Variants in C18orf54 observed in about 807,000 individuals in gnomAD.
C18orf54 encodes the protein chromosome 18 open reading frame 54, also known as lung adenoma susceptibility protein 2.
Under a neutral mutation model 49.3 loss-of-function variants are expected in C18orf54, and 49 were observed. The ratio of observed to expected loss-of-function variants is 0.99; its 90% confidence interval spans 0.79 to 1.26. The LOEUF is 1.26. C18orf54 is among the 50% of genes most tolerant of loss of function. C18orf54 has a pLI of 0.00. For missense variants in C18orf54, 687 were observed against 620.6 expected (o/e 1.11, Z -1.14); for synonymous variants, 211 against 216.6 (o/e 0.97, Z 0.23).
At chr18:54,361,526 C>A in intron 3 of C18orf54, 117 bp from the exon 4 acceptor site, 1 of 853,380 alleles carries the variant, frequency 1.2e-6, no homozygotes, top group Non-Finnish European at 1.8e-6. Flanking sequence ...TTAATCAAAG[C>A]TTTAGTGAGG....
chr18:54,380,755 A>G lies in C18orf54; in HGVS notation c.*2509A>G, dbSNP rs2089655221. Reference sequence around the variant, plus strand: ...ACATTATATGTAGTTATACCAAAATATTGCCTGAAGATAAATCATGACAAG... The same window carrying G: ...ACATTATATGTAGTTATACCAAAATGTTGCCTGAAGATAAATCATGACAAG... On this transcript the variant is annotated 3_prime_UTR_variant, in exon 9 of 9. Coordinates refer to ENST00000620105, the MANE Select transcript of C18orf54 (RefSeq NM_001288980.2). The G allele has an allele frequency of 6.6e-6, 1 of 152,146 alleles. No individual in the cohort carries two copies. Among genetic ancestry groups the G allele is most frequent in the Non-Finnish European group, 1.5e-5 (1 of 67,976 alleles). The allele number at this position is 152,146 out of a possible 1,614,324, so 9.4% of individuals were successfully genotyped here. A position where few individuals can be genotyped will look rare whatever the true frequency, so the allele number is the denominator to read the frequency against.
chr18:54,362,643 A>G, intron 4 of C18orf54, 128 bp from the exon 5 acceptor site: 1 of 939,346 alleles, frequency 1.1e-6, no homozygotes, highest in East Asian at 2.8e-5. Context: ...GTCACATTTT[A>G]ACATAATTTG....
At chr18:54,377,372 A>T (rs1352966960) in intron 8 of C18orf54, among the ~76,000 whole-genome samples, 1 of 152,140 alleles carries the variant, frequency 6.6e-6, no homozygotes, top group Non-Finnish European at 1.5e-5. Context: ...CATCTTAATT[A>T]CTATATTGTC....
At chr18:54,369,656 G>T (rs1414636491) in intron 6 of C18orf54, among the ~76,000 whole-genome samples, 1 of 151,390 alleles carries the variant, frequency 6.6e-6, no homozygotes, top group Non-Finnish European at 1.5e-5. Flanking sequence ...TTTAGTAGAG[G>T]CAGGGTTTCA....
At chr18:54,367,531 T>C (rs1312662169) in intron 6 of C18orf54, among the ~76,000 whole-genome samples, 1 of 43,918 alleles carries the variant, frequency 2.3e-5, no homozygotes, top group Non-Finnish European at 3.8e-5. Flanking sequence ...TTTCAGCCCT[T>C]TGAATGTATC....
At chr18:54,365,864 G>A in intron 6 of C18orf54, 43 bp downstream of exon 6, 1 of 1,221,600 alleles carries the variant, frequency 8.2e-7, no homozygotes, top group Non-Finnish European at 1.2e-6. Context: ...AAAGATATAT[G>A]AATAATATGT....
At chr18:54,358,919 TG>T (rs1458085492) in intron 2 of C18orf54, 49 bp downstream of exon 2, 1 of 152,250 alleles carries the variant, frequency 6.6e-6, no homozygotes, top group Non-Finnish European at 1.5e-5. Flanking sequence ...AAAATAATCC[TG>T]TGGCTGAAGT....
chr18:54,373,320 T>A (rs34220352), intron 7 of C18orf54, among the ~76,000 whole-genome samples: 28,554 of 151,738 alleles, frequency 0.19, 3,289 homozygotes, highest in East Asian at 0.29. Context: ...AATATATATA[T>A]ATTTTGGGTG....
chr18:54,371,953 A>AG (rs1396410219), intron 6 of C18orf54, among the ~76,000 whole-genome samples: 1 of 152,106 alleles, frequency 6.6e-6, no homozygotes, highest in Admixed American at 6.6e-5. Context: ...TTCTTTGAAC[A>AG]CAAATAAGTC....
At chr18:54,365,668 T>C (rs377493692) in intron 5 of C18orf54, 51 bp from the exon 6 acceptor site, 150 of 1,085,636 alleles carry the variant, frequency 1.4e-4, no homozygotes, top group Admixed American at 2.7e-4. Flanking sequence ...TGTTTACTTT[T>C]TAGAAATTGG....
chr18:54,358,666 C>G (rs573109440), intron 1 of C18orf54, 108 bp from the exon 2 acceptor site: 5 of 152,266 alleles, frequency 3.3e-5, no homozygotes, highest in African/African-American at 9.6e-5. Flanking sequence ...CAAACGTTCC[C>G]TTTCCTAACT....
chr18:54,360,937 CATT>C, intron 3 of C18orf54, 82 bp downstream of exon 3: 2 of 1,352,016 alleles, frequency 1.5e-6, no homozygotes, highest in African/African-American at 1.5e-5. Context: ...TAAAGTTTGA[CATT>C]ATTTTTGTTA....
intron 8 of C18orf54, 26 bp from the exon 9 acceptor site, chr18:54,378,147 TA>T (rs755030286): frequency 6.3e-7 from 1 of 1,586,804 alleles, no homozygotes. Flanking sequence ...AACTGGTTTA[TA>T]ATGTGTTTTA....
intron 6 of C18orf54, among the ~76,000 whole-genome samples, chr18:54,370,608 C>T (rs1388389304): frequency 3.3e-5 from 5 of 152,114 alleles, no homozygotes; most frequent in African/African-American, 4.8e-5. Flanking sequence ...GAGATGTACC[C>T]GGAGACATTT....
intron 1 of C18orf54, among the ~76,000 whole-genome samples, chr18:54,358,279 G>C (rs2144708735): frequency 6.6e-6 from 1 of 152,266 alleles, no homozygotes; most frequent in Non-Finnish European, 1.5e-5. Context: ...AACACTGTAG[G>C]GGGAGTGCCC....
At chr18:54,363,318 T>G (rs1349530821) in intron 5 of C18orf54, among the ~76,000 whole-genome samples, 1 of 152,124 alleles carries the variant, frequency 6.6e-6, no homozygotes, top group East Asian at 1.9e-4. Context: ...TTTCTTTTTC[T>G]TTTCTTTTCT....
chr18:54,367,977 A>G (rs961338106), intron 6 of C18orf54, among the ~76,000 whole-genome samples: 1 of 151,816 alleles, frequency 6.6e-6, no homozygotes, highest in African/African-American at 2.4e-5. Flanking sequence ...TAAGCTCTCT[A>G]TTGTATTTTA....
chr18:54,363,278 T>A (rs868260586), intron 5 of C18orf54, among the ~76,000 whole-genome samples: 2 of 152,162 alleles, frequency 1.3e-5, no homozygotes, highest in Admixed American at 1.3e-4. Context: ...TCTGTTCCTC[T>A]ATAGTCTCTC....
rs78873911 is a variant in C18orf54, at chr18:54,365,132, A to T, written c.1224-587A>T. ...GCAATATGTCTGTGAGATAGATGGG[A>T]CTACAAATGTTGAAACTGAAATTCA... On this transcript the variant is annotated intron_variant, in intron 5 of 8. Coordinates refer to ENST00000620105, the MANE Select transcript of C18orf54 (RefSeq NM_001288980.2). Among the ~76,000 whole-genome samples, 64 of 152,148 alleles carry T rather than the reference A, an allele frequency of 4.2e-4. 3 individuals are homozygous for T. In the East Asian group the frequency reaches 0.012, roughly 29 times the overall value.
Sources: allele counts gnomAD v4.1 joint callset (sites outside exome capture counted in the v4.1 genomes callset), GRCh38; gene constraint gnomAD v4.1.1; transcripts MANE v1.5; gene names NCBI Gene and HGNC (gene_info 2026-07-23, HGNC 2026-07-21).